The following TEX15 variants were observed in gnomAD, a reference collection of about 807,000 sequenced individuals.
The protein encoded by TEX15 is testis-expressed protein 15.
Under a neutral mutation model 237.3 loss-of-function variants are expected in TEX15, and 171 were observed. That is an observed-to-expected ratio of 0.72 (90% CI 0.64 to 0.82). The LOEUF is 0.82. Among genes scored for constraint, TEX15 ranks in the 40% least tolerant of loss-of-function variants. The probability of loss-of-function intolerance (pLI) is 0.00; values close to 1 mark genes in which losing one functional copy is unlikely to be tolerated. For missense variants in TEX15, 3,750 were observed against 3,646.5 expected (o/e 1.03, Z -0.73); for synonymous variants, 1,338 against 1,269.8 (o/e 1.05, Z -1.14).
At chr8:30,876,146 C>T (rs1350544539) in intron 3 of TEX15, among the ~76,000 whole-genome samples, 3 of 152,152 alleles carry the variant, frequency 2.0e-5, no homozygotes, top group African/African-American at 7.2e-5. Context: ...AAAATGCCAT[C>T]TGCATTATGT....
chr8:30,876,875 C>T (rs183395781), intron 3 of TEX15, among the ~76,000 whole-genome samples: 1 of 152,168 alleles, frequency 6.6e-6, no homozygotes, highest in Admixed American at 6.5e-5. Context: ...ATCATGGGGG[C>T]AGTTACCCCA....
At chr8:30,896,441 G>A (rs1808907873) in intron 2 of TEX15, among the ~76,000 whole-genome samples, 1 of 151,930 alleles carries the variant, frequency 6.6e-6, no homozygotes, top group Non-Finnish European at 1.5e-5. Flanking sequence ...CATCTATTCA[G>A]TCCACTTCCT....
At chr8:30,895,558 C>CTT (rs35248591) in intron 2 of TEX15, among the ~76,000 whole-genome samples, 2 of 134,540 alleles carry the variant, frequency 1.5e-5, no homozygotes, top group South Asian at 4.8e-4. Flanking sequence ...AGTATTAGAT[C>CTT]TTTTTTTTTT....
At chr8:30,879,947 A>T (rs1793213895) in intron 3 of TEX15, among the ~76,000 whole-genome samples, 1 of 151,958 alleles carries the variant, frequency 6.6e-6, no homozygotes, top group African/African-American at 2.4e-5. Context: ...TTAAAAAAAA[A>T]AATCAGTATT....
chr8:30,845,679 G>A lies in TEX15; in HGVS notation c.4488C>T (p.Val1496=), dbSNP rs1464729156. ...GACTGGTGGTGGGGTGACTTTTTGA[G>A]ACACTGCTAGCCATACTTTTCCTAG... ...CLSRKSMASS[V]SKSHPTTSHM... The change falls in exon 8 of 11, where the codon GTC becomes GTT. Residue 1496 remains valine (V), a synonymous_variant. Coordinates refer to ENST00000643185, the MANE Select transcript of TEX15 (RefSeq NM_001350162.2). 2 of 1,613,514 alleles carry A rather than the reference G, an allele frequency of 1.2e-6. No individual in the cohort carries two copies. Among genetic ancestry groups the A allele is most frequent in the Middle Eastern group, 1.6e-4 (1 of 6,062 alleles).
At chr8:30,836,412 C>G (rs1309372850) in intron 10 of TEX15, among the ~76,000 whole-genome samples, 1 of 151,830 alleles carries the variant, frequency 6.6e-6, no homozygotes, top group East Asian at 1.9e-4. Flanking sequence ...TGGGGTTTCA[C>G]TATGTTGGCC....
chr8:30,844,742 T>C lies in TEX15; in HGVS notation c.5425A>G (p.Ile1809Val). 6.2e-7 allele frequency: 1 copy of C among 1,613,310 alleles called. No individual in the cohort carries two copies. The highest frequency in any genetic ancestry group is 1.1e-5 in the South Asian group (1 of 91,054). The change falls in exon 8 of 11, where the codon ATA becomes GTA. Residue 1809 changes from isoleucine to valine, a missense_variant. Ile to Val is a conservative substitution (Grantham distance 29). Transcript: ENST00000643185. ...CTATCACTGGAAGATAATTCCACTA[T>C]ATTTTCCCCATAACTTTTATCTTCT... is the stretch of plus-strand genomic sequence containing the variant. ...TEEDKSYGEN[I>V]VELSSSDSSL...
At chr8:30,907,445 A>C (rs56134772) in intron 1 of TEX15, among the ~76,000 whole-genome samples, 2 of 147,946 alleles carry the variant, frequency 1.4e-5, no homozygotes, top group Non-Finnish European at 3.0e-5. Context: ...TATATATACA[A>C]TGTATATATA....
intron 1 of TEX15, among the ~76,000 whole-genome samples, chr8:30,899,397 A>C (rs1260807031): frequency 1.1e-4 from 16 of 152,144 alleles, no homozygotes; most frequent in Non-Finnish European, 1.0e-4. Flanking sequence ...TCCAGGCCTG[A>C]TGCTTAAGTA....
intron 5 of TEX15, among the ~76,000 whole-genome samples, chr8:30,863,921 AG>A (rs1309645873): frequency 2.0e-5 from 3 of 149,700 alleles, no homozygotes; most frequent in African/African-American, 7.4e-5. Flanking sequence ...AAATATCACC[AG>A]GCATGTAAAG....
intron 7 of TEX15, among the ~76,000 whole-genome samples, chr8:30,857,422 C>T (rs1171805922): frequency 6.6e-6 from 1 of 152,032 alleles, no homozygotes; most frequent in Non-Finnish European, 1.5e-5. Flanking sequence ...AAAGACATAT[C>T]TGACATTAAG....
chr8:30,876,015 T>C (rs1808395269), intron 3 of TEX15, among the ~76,000 whole-genome samples: 1 of 152,022 alleles, frequency 6.6e-6, no homozygotes, highest in Non-Finnish European at 1.5e-5. Flanking sequence ...GGGGTCGCTA[T>C]GTTGTCCAAG....
intron 1 of TEX15, among the ~76,000 whole-genome samples, chr8:30,901,571 T>A (rs1465291040): frequency 6.6e-6 from 1 of 152,184 alleles, no homozygotes; most frequent in Non-Finnish European, 1.5e-5. Context: ...CAGGAAATTG[T>A]ATGGGAGTAC....
chr8:30,865,008 T>C (rs1360276330), intron 5 of TEX15, among the ~76,000 whole-genome samples: 1 of 152,026 alleles, frequency 6.6e-6, no homozygotes. Flanking sequence ...AATTAAAACA[T>C]ACTACCAGAG....
intron 3 of TEX15, among the ~76,000 whole-genome samples, chr8:30,878,291 T>C (rs981998048): frequency 3.9e-5 from 6 of 152,152 alleles, no homozygotes; most frequent in African/African-American, 1.4e-4. Flanking sequence ...TGTACATTCA[T>C]GTATAGGTTT....
chr8:30,895,120 T>C (rs1015489518), intron 2 of TEX15, among the ~76,000 whole-genome samples: 4 of 151,970 alleles, frequency 2.6e-5, no homozygotes, highest in Admixed American at 6.6e-5. Context: ...TAGGTTAGTT[T>C]GAACTGATCT....
chr8:30,911,476 TCTC>T (rs2128780824), intron 1 of TEX15, among the ~76,000 whole-genome samples: 1 of 152,178 alleles, frequency 6.6e-6, no homozygotes, highest in Non-Finnish European at 1.5e-5. Flanking sequence ...TTCTCTTCCT[TCTC>T]CACCAACACA....
In TEX15 at chr8:30,867,491, C is replaced by T. The variant is rs1258032158; in HGVS notation, c.314G>A (p.Arg105His). 8 of 1,531,172 alleles carry T rather than the reference C, an allele frequency of 5.2e-6. No individual in the cohort carries two copies. The highest frequency in any genetic ancestry group is 7.0e-6 in the Non-Finnish European group (8 of 1,143,098). 94.8% of individuals were successfully genotyped at this position (1,531,172 alleles called of 1,614,324 possible). A position where few individuals can be genotyped will look rare whatever the true frequency, so the allele number is the denominator to read the frequency against. The change falls in exon 5 of 11, where the codon CGT becomes CAT. Residue 105 changes from arginine to histidine, a missense_variant. Coordinates refer to ENST00000643185, the MANE Select transcript of TEX15 (RefSeq NM_001350162.2). ...KNFTAKRSEM[R>H]ESGRHCRELE... ...TTCCCTGCAATGTCTTCCACTTTCA[C>T]GCATCTCTGACCTAAAGTAAAACAA...
chr8:30,833,269 T>C lies in TEX15; in HGVS notation c.*17A>G. ...AAAAACTTGTTATGTCTTATTTCAA[T>C]AGACAGAAGACTATTTTCAGTGTCC... is the stretch of plus-strand genomic sequence containing the variant. On this transcript the variant is annotated 3_prime_UTR_variant, in exon 11 of 11. Coordinates refer to ENST00000643185, the MANE Select transcript of TEX15 (RefSeq NM_001350162.2). 2 of 1,559,450 alleles carry C rather than the reference T, an allele frequency of 1.3e-6. No individual in the cohort carries two copies. Among genetic ancestry groups the C allele is most frequent in the African/African-American group, 1.4e-5 (1 of 72,586 alleles).
Sources: allele counts gnomAD v4.1 joint callset (sites outside exome capture counted in the v4.1 genomes callset), GRCh38; gene constraint gnomAD v4.1.1; transcripts MANE v1.5; gene names NCBI Gene and HGNC (gene_info 2026-07-23, HGNC 2026-07-21).